SPECC1: variants seen among roughly 807,000 people sequenced by gnomAD.
SPECC1 encodes the protein sperm antigen with calponin homology and coiled-coil domains 1, also known as cytospin-B.
SPECC1 carries 62 observed loss-of-function variants against 104.1 expected under a neutral mutation model. That is an observed-to-expected ratio of 0.60 (90% CI 0.49 to 0.74). SPECC1 has a LOEUF of 0.74. Among genes scored for constraint, SPECC1 ranks in the 30% least tolerant of loss-of-function variants. SPECC1 has a pLI of 0.00. For synonymous variants in SPECC1, 513 were observed against 501.6 expected (o/e 1.02, Z -0.30); for missense variants, 1,306 against 1,310.5 (o/e 1.00, Z 0.05).
chr17:20,300,947 A>C (rs992846094), intron 13 of SPECC1, among the ~76,000 whole-genome samples: 3 of 152,240 alleles, frequency 2.0e-5, no homozygotes, highest in African/African-American at 4.8e-5. Flanking sequence ...GTTGTGTCCC[A>C]GAGCCTAGGA....
chr17:20,089,489 G>T (rs1056905658), intron 1 of SPECC1, among the ~76,000 whole-genome samples: 1 of 151,972 alleles, frequency 6.6e-6, no homozygotes, highest in Non-Finnish European at 1.5e-5. Context: ...TTAGCCAGGC[G>T]TGGTGACACA....
intron 1 of SPECC1, among the ~76,000 whole-genome samples, chr17:20,052,815 T>C (rs1223997584): frequency 6.6e-6 from 1 of 152,190 alleles, no homozygotes; most frequent in Non-Finnish European, 1.5e-5. Flanking sequence ...AGTCTGCATG[T>C]AGCAAAAAGA....
At chr17:20,282,187 G>A (rs567890791) in intron 12 of SPECC1, among the ~76,000 whole-genome samples, 27 of 152,370 alleles carry the variant, frequency 1.8e-4, no homozygotes, top group Admixed American at 5.2e-4. Flanking sequence ...GAAAATGGAG[G>A]AAGCAAGAAA....
chr17:20,081,870 C>T (rs746292864), intron 1 of SPECC1, among the ~76,000 whole-genome samples: 1 of 152,130 alleles, frequency 6.6e-6, no homozygotes, highest in Non-Finnish European at 1.5e-5. Flanking sequence ...CAAAGCCACC[C>T]CAGGAGCCCC....
chr17:20,045,410 TC>T lies in SPECC1; in HGVS notation c.-22+35987del, dbSNP rs574164030. Among the ~76,000 whole-genome samples the T allele has an allele frequency of 1.2e-3, 183 of 151,574 alleles. 2 individuals are homozygous for T. In the South Asian group the frequency reaches 0.038, roughly 31 times the overall value. On this transcript the variant is annotated intron_variant, in intron 1 of 14. Coordinates refer to ENST00000395527, the MANE Select transcript of SPECC1 (RefSeq NM_001243439.2). ...CCATTTTGTGTGTGTATCTGCTGTC[TC>T]ATGTACTTTGGATTGATATCTAAGA...
intron 4 of SPECC1, among the ~76,000 whole-genome samples, chr17:20,222,500 A>C (rs1048973771): frequency 3.3e-5 from 5 of 151,968 alleles, no homozygotes; most frequent in African/African-American, 1.2e-4. Context: ...ATTAAGTCTG[A>C]TATTTCTTTG....
intron 3 of SPECC1, among the ~76,000 whole-genome samples, chr17:20,179,579 A>G (rs1168049872): frequency 6.6e-6 from 1 of 152,216 alleles, no homozygotes; most frequent in Non-Finnish European, 1.5e-5. Flanking sequence ...AGAAGGGTTC[A>G]AAAGCTAGGT....
chr17:20,250,103 T>G (rs1160308225), intron 9 of SPECC1, among the ~76,000 whole-genome samples: 1 of 152,170 alleles, frequency 6.6e-6, no homozygotes, highest in African/African-American at 2.4e-5. Flanking sequence ...ACATCTTTCT[T>G]CTCAAGAAGA....
At chr17:20,112,108 G>A (rs2048523967) in intron 3 of SPECC1, 7 of 764,810 alleles carry the variant, frequency 9.2e-6, no homozygotes, top group Non-Finnish European at 1.7e-5. Flanking sequence ...TTAAATGCTG[G>A]AGGGGCGGTA....
chr17:20,204,167 G>A (rs1427561397), intron 3 of SPECC1, among the ~76,000 whole-genome samples, 166 bp from the exon 4 acceptor site: 2 of 152,204 alleles, frequency 1.3e-5, no homozygotes, highest in Non-Finnish European at 2.9e-5. Flanking sequence ...CTGTGGGGAG[G>A]AAGCACAGAA....
intron 1 of SPECC1, among the ~76,000 whole-genome samples, chr17:20,035,074 C>T (rs938537280): frequency 7.9e-5 from 12 of 152,146 alleles, no homozygotes; most frequent in Non-Finnish European, 1.2e-4. Flanking sequence ...TGTTTTAACA[C>T]CTTTGTCAGA....
chr17:20,137,889 A>C (rs2030218361), intron 3 of SPECC1, among the ~76,000 whole-genome samples: 1 of 151,806 alleles, frequency 6.6e-6, no homozygotes, highest in Admixed American at 6.6e-5. Context: ...CTGGTCTCGA[A>C]CTCCTGACCT....
At chr17:20,169,862 C>T (rs2033951835) in intron 3 of SPECC1, among the ~76,000 whole-genome samples, 1 of 152,070 alleles carries the variant, frequency 6.6e-6, no homozygotes, top group Non-Finnish European at 1.5e-5. Flanking sequence ...GAATGTGTTG[C>T]GCCAATTTGC....
At chr17:20,086,239 G>A (rs1389256563) in intron 1 of SPECC1, among the ~76,000 whole-genome samples, 1 of 120,888 alleles carries the variant, frequency 8.3e-6, no homozygotes, top group Admixed American at 8.7e-5. Flanking sequence ...GAGTATGGTG[G>A]AGGCCTCAGA....
chr17:20,074,066 C>T (rs533822570), intron 1 of SPECC1, among the ~76,000 whole-genome samples: 1 of 152,078 alleles, frequency 6.6e-6, no homozygotes, highest in Non-Finnish European at 1.5e-5. Context: ...GATTATTTTC[C>T]CATCCAGGGT....
intron 1 of SPECC1, among the ~76,000 whole-genome samples, chr17:20,053,526 T>C (rs1475845199): frequency 6.6e-6 from 1 of 152,140 alleles, no homozygotes; most frequent in African/African-American, 2.4e-5. Context: ...TCCATAGTGT[T>C]AGGAGTAGGA....
intron 12 of SPECC1, among the ~76,000 whole-genome samples, chr17:20,281,858 C>T (rs1360196262): frequency 2.6e-5 from 4 of 152,224 alleles, no homozygotes; most frequent in African/African-American, 7.2e-5. Context: ...TGAGCATGGT[C>T]CTAGGGGTCA....
chr17:20,187,821 G>C (rs142406543), intron 3 of SPECC1, among the ~76,000 whole-genome samples: 146 of 152,256 alleles, frequency 9.6e-4, no homozygotes, highest in African/African-American at 2.6e-3. Context: ...AATGGACCCC[G>C]GGACCTATGA....
intron 1 of SPECC1, among the ~76,000 whole-genome samples, chr17:20,044,330 G>T (rs1174900956): frequency 6.6e-6 from 1 of 152,158 alleles, no homozygotes; most frequent in Non-Finnish European, 1.5e-5. Flanking sequence ...GATTCAGTTT[G>T]AACATTTAGA....
Sources: gnomAD v4.1 joint callset for allele counts (sites outside exome capture counted in the v4.1 genomes callset) on GRCh38, gnomAD v4.1.1 for gene constraint, MANE v1.5 for transcripts, NCBI Gene and HGNC (gene_info 2026-07-23, HGNC 2026-07-21) for gene names.